Variants in PTPRR observed in about 807,000 individuals in gnomAD.
The protein encoded by PTPRR is receptor-type tyrosine-protein phosphatase R.
PTPRR carries 38 observed loss-of-function variants against 77.2 expected under a neutral mutation model. The ratio of observed to expected loss-of-function variants is 0.49; its 90% CI spans 0.38 to 0.65. The LOEUF is 0.65. PTPRR is among the 30% of genes least tolerant of loss of function. The probability of loss-of-function intolerance (pLI) is 0.00; values close to 1 mark genes in which losing one functional copy is unlikely to be tolerated. For missense variants in PTPRR, 744 were observed against 799.2 expected (o/e 0.93, Z 0.83); for synonymous variants, 299 against 283.1 (o/e 1.06, Z -0.57).
chr12:70,690,143 G>A (rs1188096005), intron 8 of PTPRR, among the ~76,000 whole-genome samples: 2 of 152,142 alleles, frequency 1.3e-5, no homozygotes, highest in East Asian at 1.9e-4. Context: ...GGGATGGCGA[G>A]GTAACCAGAG....
intron 6 of PTPRR, among the ~76,000 whole-genome samples, chr12:70,701,966 T>C (rs117462584): frequency 0.012 from 1,771 of 152,074 alleles, 20 homozygotes; most frequent in Non-Finnish European, 0.018. Context: ...GAGAGAGACC[T>C]TGGCTCTAAA....
intron 10 of PTPRR, among the ~76,000 whole-genome samples, chr12:70,680,664 A>AG (rs1887621464): frequency 6.6e-6 from 1 of 151,936 alleles, no homozygotes; most frequent in Non-Finnish European, 1.5e-5. Context: ...AGCATGCAGC[A>AG]GCCAGTCTGC....
At chr12:70,772,345 C>G (rs1321354240) in intron 2 of PTPRR, among the ~76,000 whole-genome samples, 1 of 152,064 alleles carries the variant, frequency 6.6e-6, no homozygotes, top group Non-Finnish European at 1.5e-5. Context: ...AGTAGGAACT[C>G]TTTAGGGGAA....
At chr12:70,786,437 A>G (rs942392435) in intron 2 of PTPRR, among the ~76,000 whole-genome samples, 1 of 152,210 alleles carries the variant, frequency 6.6e-6, no homozygotes, top group African/African-American at 2.4e-5. Context: ...AAGAAATTAA[A>G]AGTCCTTACA....
At chr12:70,678,559 C>T (rs1887535784) in intron 10 of PTPRR, among the ~76,000 whole-genome samples, 1 of 152,060 alleles carries the variant, frequency 6.6e-6, no homozygotes, top group Non-Finnish European at 1.5e-5. Context: ...TGTTTTCAAA[C>T]ATGATCTTTT....
At chr12:70,749,695 G>C (rs1253929202) in intron 5 of PTPRR, among the ~76,000 whole-genome samples, 1 of 151,966 alleles carries the variant, frequency 6.6e-6, no homozygotes, top group Non-Finnish European at 1.5e-5. Flanking sequence ...ATTTCTTGCT[G>C]CGGCTACCAG....
At chr12:70,716,463 A>G (rs1348811370) in intron 6 of PTPRR, among the ~76,000 whole-genome samples, 11 of 152,188 alleles carry the variant, frequency 7.2e-5, no homozygotes, top group Non-Finnish European at 1.3e-4. Context: ...AAAGGGCAAG[A>G]TAAATGTACT....
intron 2 of PTPRR, among the ~76,000 whole-genome samples, chr12:70,861,406 C>T (rs760707136): frequency 5.3e-5 from 8 of 152,104 alleles, no homozygotes; most frequent in South Asian, 2.1e-4. Flanking sequence ...AATCCCCAAA[C>T]GCTTTTGTTA....
chr12:70,773,771 A>G (rs1891032846), intron 2 of PTPRR, among the ~76,000 whole-genome samples: 1 of 152,194 alleles, frequency 6.6e-6, no homozygotes, highest in Non-Finnish European at 1.5e-5. Context: ...ATATGTTTTT[A>G]TTAAATAAAA....
At chr12:70,750,999 C>T (rs1226815158) in intron 5 of PTPRR, among the ~76,000 whole-genome samples, 2 of 149,782 alleles carry the variant, frequency 1.3e-5, no homozygotes, top group African/African-American at 5.1e-5. Flanking sequence ...CTCTGCCTCC[C>T]AAGTGCAGGG....
intron 2 of PTPRR, among the ~76,000 whole-genome samples, chr12:70,799,936 G>A (rs987862369): frequency 6.6e-5 from 10 of 152,076 alleles, no homozygotes; most frequent in African/African-American, 1.9e-4. Flanking sequence ...ATATTATAAC[G>A]GTGATTCAGA....
chr12:70,725,636 T>C (rs576424970), intron 6 of PTPRR, among the ~76,000 whole-genome samples: 18 of 152,276 alleles, frequency 1.2e-4, no homozygotes, highest in Middle Eastern at 3.4e-3. Context: ...GGTGAGTTGT[T>C]GTACCCTGAC....
chr12:70,825,668 T>A (rs1457556449), intron 2 of PTPRR, among the ~76,000 whole-genome samples: 1 of 152,216 alleles, frequency 6.6e-6, no homozygotes, highest in Non-Finnish European at 1.5e-5. Flanking sequence ...CTCTCTAATA[T>A]CCTTGTTACA....
Position 70,867,750 on chromosome 12 carries a change from C to T in PTPRR, c.357+24929G>A, listed in dbSNP as rs528630088. Among the ~76,000 whole-genome samples, 5 of 152,254 alleles carry T rather than the reference C, an allele frequency of 3.3e-5. No individual in the cohort carries two copies. The South Asian group carries it at 1.0e-3, about 32-fold the overall frequency. On this transcript the variant is annotated intron_variant, in intron 2 of 13. Transcript: ENST00000283228. ...CCAAGTCAATCCTAAGCCAGAAGAA[C>T]AAAACTAGAGGCATCACGCTACCTG...
At chr12:70,870,043 A>G (rs528004954) in intron 2 of PTPRR, among the ~76,000 whole-genome samples, 1 of 152,256 alleles carries the variant, frequency 6.6e-6, no homozygotes, top group South Asian at 2.1e-4. Context: ...AAACATTTTC[A>G]CCGGACCCAT....
chr12:70,748,183 C>T (rs1450131120), intron 5 of PTPRR, among the ~76,000 whole-genome samples: 9 of 152,084 alleles, frequency 5.9e-5, no homozygotes, highest in Non-Finnish European at 2.9e-5. Flanking sequence ...GGTGTAATCT[C>T]CTCATTTCAC....
At chr12:70,659,243 C>T (rs141528749) in intron 12 of PTPRR, among the ~76,000 whole-genome samples, 15 of 152,044 alleles carry the variant, frequency 9.9e-5, no homozygotes, top group Admixed American at 6.5e-4. Flanking sequence ...TAAGGTGAGA[C>T]GGAGAAAGGG....
chr12:70,914,492 T>C (rs957830960), intron 1 of PTPRR, among the ~76,000 whole-genome samples: 3 of 152,124 alleles, frequency 2.0e-5, no homozygotes, highest in Non-Finnish European at 2.9e-5. Context: ...GAGAACATCT[T>C]ATGAGAAGAG....
At chr12:70,656,569 A>C (rs1886589209) in intron 13 of PTPRR, 135 bp downstream of exon 13, 1 of 624,746 alleles carries the variant, frequency 1.6e-6, no homozygotes, top group South Asian at 2.1e-5. Context: ...TAATGCATAT[A>C]CTTAAGCATT....
Sources: allele counts gnomAD v4.1 joint callset (sites outside exome capture counted in the v4.1 genomes callset), GRCh38; gene constraint gnomAD v4.1.1; transcripts MANE v1.5; gene names NCBI Gene and HGNC (gene_info 2026-07-23, HGNC 2026-07-21).